The following RAPGEF5 variants were observed in gnomAD, a reference collection of about 807,000 sequenced individuals.
RAPGEF5 encodes the protein Rap guanine nucleotide exchange factor 5.
In RAPGEF5, 65 loss-of-function variants were observed where a neutral mutation model predicts 125.2. The observed-to-expected ratio is 0.52, with a 90% CI of 0.43 to 0.64. The LOEUF (loss-of-function observed/expected upper bound fraction) is 0.64, where lower values mean the gene tolerates loss of function less well. Among genes scored for constraint, RAPGEF5 ranks in the 30% least tolerant of loss-of-function variants. RAPGEF5 has a pLI of 0.00. For synonymous variants in RAPGEF5, 391 were observed against 385.9 expected (o/e 1.01, Z -0.16); for missense variants, 958 against 1,048.1 (o/e 0.91, Z 1.19).
At chr7:22,222,626 G>T (rs1310517332) in intron 8 of RAPGEF5, among the ~76,000 whole-genome samples, 2 of 152,146 alleles carry the variant, frequency 1.3e-5, no homozygotes, top group African/African-American at 4.8e-5. Context: ...AGGTAATGCA[G>T]GAGCCCAACA....
At chr7:22,281,931 AT>A (rs574421759) in intron 6 of RAPGEF5, among the ~76,000 whole-genome samples, 254 of 152,328 alleles carry the variant, frequency 1.7e-3, no homozygotes, top group South Asian at 7.7e-3. Context: ...GGATACACAG[AT>A]TCTTTATTAC....
chr7:22,310,167 ACCTTT>A, intron 3 of RAPGEF5, 77 bp from the exon 4 acceptor site: 13 of 1,324,468 alleles, frequency 9.8e-6, no homozygotes, highest in Non-Finnish European at 1.3e-5. Context: ...GATATATAAT[ACCTTT>A]CCTTTCATGT....
chr7:22,194,863 G>A (rs1342721526), intron 9 of RAPGEF5: 1 of 691,984 alleles, frequency 1.4e-6, no homozygotes, highest in Admixed American at 6.3e-5. Flanking sequence ...GACCCAGCAG[G>A]GTGGCCTCCA....
At chr7:22,219,527 T>C (rs764916914) in intron 9 of RAPGEF5, among the ~76,000 whole-genome samples, 5 of 151,288 alleles carry the variant, frequency 3.3e-5, no homozygotes, top group Non-Finnish European at 7.4e-5. Flanking sequence ...AAAATTCATG[T>C]TCTACAAACT....
intron 7 of RAPGEF5, among the ~76,000 whole-genome samples, chr7:22,260,397 A>G (rs960180824): frequency 2.8e-4 from 43 of 151,964 alleles, no homozygotes; most frequent in Non-Finnish European, 5.1e-4. Context: ...GTATAAAGCA[A>G]CTCTCTGCAC....
chr7:22,291,472 C>A (rs561372164), intron 5 of RAPGEF5, among the ~76,000 whole-genome samples: 1 of 152,276 alleles, frequency 6.6e-6, no homozygotes, highest in South Asian at 2.1e-4. Context: ...CCAATTGAAT[C>A]CTGACGATGG....
intron 8 of RAPGEF5, among the ~76,000 whole-genome samples, chr7:22,230,642 T>C (rs1030255966): frequency 3.9e-5 from 6 of 152,212 alleles, no homozygotes; most frequent in African/African-American, 1.2e-4. Flanking sequence ...CCCTCTCCCA[T>C]GAATCAAATT....
intron 24 of RAPGEF5, 73 bp from the exon 25 acceptor site, chr7:22,125,731 G>C: frequency 7.4e-7 from 1 of 1,356,932 alleles, no homozygotes; most frequent in Non-Finnish European, 1.1e-6. Context: ...GTGCCTGCTA[G>C]GATGGAAGGA....
chr7:22,242,769 T>C (rs1786367109), intron 7 of RAPGEF5, among the ~76,000 whole-genome samples: 1 of 151,932 alleles, frequency 6.6e-6, no homozygotes, highest in African/African-American at 2.4e-5. Context: ...CTGACCAACA[T>C]GGAGAAACTC....
chr7:22,205,395 G>C (rs1182282304), intron 9 of RAPGEF5, among the ~76,000 whole-genome samples: 1 of 152,194 alleles, frequency 6.6e-6, no homozygotes, highest in Non-Finnish European at 1.5e-5. Flanking sequence ...GATTTTTACA[G>C]ATGTGATTTG....
intron 7 of RAPGEF5, among the ~76,000 whole-genome samples, chr7:22,249,109 T>C (rs1046949961): frequency 3.9e-5 from 6 of 152,214 alleles, no homozygotes; most frequent in African/African-American, 1.2e-4. Flanking sequence ...GACAAGCCCT[T>C]GGGACCTGCA....
intron 6 of RAPGEF5, among the ~76,000 whole-genome samples, chr7:22,267,730 T>C (rs1479231290): frequency 6.6e-6 from 1 of 152,072 alleles, no homozygotes; most frequent in Non-Finnish European, 1.5e-5. Context: ...GTGACAAAAA[T>C]AAGCACAGTC....
chr7:22,148,111 A>G (rs1783503300), intron 18 of RAPGEF5, among the ~76,000 whole-genome samples: 1 of 152,152 alleles, frequency 6.6e-6, no homozygotes, highest in Non-Finnish European at 1.5e-5. Context: ...TGACCAAACG[A>G]ACCAGCTAAC....
chr7:22,160,531 T>C lies in RAPGEF5; in HGVS notation c.1513A>G (p.Met505Val), dbSNP rs1312454865. 27 of 1,547,138 alleles carry C rather than the reference T, an allele frequency of 1.7e-5. No individual in the cohort carries two copies. Among genetic ancestry groups the C allele is most frequent in the Non-Finnish European group, 2.3e-5 (26 of 1,145,856 alleles). The change falls in exon 14 of 26, where the codon ATG (methionine) becomes GTG (valine). Residue 505 changes from methionine (M) to valine (V), a missense_variant. Met to Val is a conservative substitution (Grantham distance 21). Coordinates refer to ENST00000665637, the MANE Select transcript of RAPGEF5 (RefSeq NM_012294.5). ...ELKEFQKILGMHRRHTVDEYS... is the reference protein window; with the variant it reads ...ELKEFQKILGVHRRHTVDEYS... ...TGAAATACTTACTGACGACGGTGCA[T>C]TCCAAGTATCTTTTGAAATTCTTTC...
chr7:22,292,108 G>T (rs1237411329), intron 5 of RAPGEF5, among the ~76,000 whole-genome samples: 1 of 152,186 alleles, frequency 6.6e-6, no homozygotes, highest in East Asian at 1.9e-4. Flanking sequence ...AGGGGGGATT[G>T]GAGGTCACTG....
intron 11 of RAPGEF5, among the ~76,000 whole-genome samples, chr7:22,169,666 C>A (rs1237281544): frequency 6.8e-6 from 1 of 146,438 alleles, no homozygotes; most frequent in Non-Finnish European, 1.5e-5. Context: ...ACCAGCCTGG[C>A]CAACATTGCG....
At chr7:22,125,701 AG>A (rs772908219) in intron 24 of RAPGEF5, 43 bp from the exon 25 acceptor site, 22 of 1,547,028 alleles carry the variant, frequency 1.4e-5, no homozygotes, top group Admixed American at 1.0e-4. Flanking sequence ...AGGGTCGTTG[AG>A]GGTGTTACTG....
chr7:22,190,204 C>A (rs943914402), intron 11 of RAPGEF5, among the ~76,000 whole-genome samples: 1 of 151,970 alleles, frequency 6.6e-6, no homozygotes, highest in African/African-American at 2.4e-5. Context: ...CGCTTGAACC[C>A]GAGAGTCAGA....
chr7:22,190,239 T>C (rs1235921325), intron 11 of RAPGEF5, among the ~76,000 whole-genome samples: 1 of 142,622 alleles, frequency 7.0e-6, no homozygotes, highest in African/African-American at 2.5e-5. Context: ...AAGATCATAC[T>C]CCAGCCTGGG....
Sources: gnomAD v4.1 joint callset for allele counts (sites outside exome capture counted in the v4.1 genomes callset) on GRCh38, gnomAD v4.1.1 for gene constraint, MANE v1.5 for transcripts, NCBI Gene and HGNC (gene_info 2026-07-23, HGNC 2026-07-21) for gene names.